CALM2: variants seen among roughly 807,000 people sequenced by gnomAD.
The protein encoded by CALM2 is calmodulin-2.
CALM2 carries 2 observed loss-of-function variants against 19.8 expected under a neutral mutation model. The observed-to-expected ratio is 0.10, with a 90% CI of 0.04 to 0.32. The LOEUF is 0.32. Ranked by LOEUF, CALM2 falls within the 10% of genes least tolerant of loss-of-function variation. The probability of loss-of-function intolerance (pLI) is 1.00; values close to 1 mark genes in which losing one functional copy is unlikely to be tolerated. For synonymous variants in CALM2, 51 were observed against 52.1 expected (o/e 0.98, Z 0.09); for missense variants, 38 against 178.7 (o/e 0.21, Z 4.49).
At chr2:47,176,186 C>A (rs1666861314) in intron 1 of CALM2, 1 of 522,910 alleles carries the variant, frequency 1.9e-6, no homozygotes, top group Admixed American at 3.4e-5. Flanking sequence ...CAGCCAAGCC[C>A]CCGAGGAGCT....
At chr2:47,164,286 AAC>A (rs202205834) in intron 2 of CALM2, among the ~76,000 whole-genome samples, 15 of 140,028 alleles carry the variant, frequency 1.1e-4, no homozygotes, top group African/African-American at 2.9e-4. Context: ...TCTCTACTAA[AAC>A]ACACACACAC....
Position 47,160,850 on chromosome 2 carries a change from CAAAAAAAAAAA to C in CALM2, c.422-57_422-47del, listed in dbSNP as rs55773607. 60 of 371,974 alleles carry C rather than the reference CAAAAAAAAAAA, an allele frequency of 1.6e-4. No individual in the cohort carries two copies. In the South Asian group the frequency reaches 3.1e-3, roughly 19 times the overall value. The allele number at this position is 371,974 out of a possible 1,614,324, so 23.0% of individuals were successfully genotyped here. ...AAAAAATGAGTCAATAGCAAAAGAC[CAAAAAAAAAAA>C]AAAAAAAAAAAAATCACATTTACTC... On this transcript the variant is annotated intron_variant, in intron 5 of 5. Transcript: ENST00000272298.
chr2:47,170,861 T>C, intron 1 of CALM2, 97 bp from the exon 2 acceptor site: 1 of 942,532 alleles, frequency 1.1e-6, no homozygotes, highest in East Asian at 2.4e-5. Context: ...TACCATGTAC[T>C]GTTTCATTTA....
At chr2:47,170,553 C>A (rs918872141) in intron 2 of CALM2, among the ~76,000 whole-genome samples, 181 bp downstream of exon 2, 1 of 152,222 alleles carries the variant, frequency 6.6e-6, no homozygotes, top group African/African-American at 2.4e-5. Flanking sequence ...CATCTTCCAT[C>A]GGCAAGTTTA....
intron 1 of CALM2, among the ~76,000 whole-genome samples, chr2:47,174,513 T>A (rs1416902339): frequency 6.6e-6 from 1 of 152,162 alleles, no homozygotes; most frequent in Non-Finnish European, 1.5e-5. Context: ...CTGTCACAAA[T>A]AATGATATCT....
intron 1 of CALM2, among the ~76,000 whole-genome samples, chr2:47,174,887 A>G (rs1666796076): frequency 6.6e-6 from 1 of 152,180 alleles, no homozygotes; most frequent in African/African-American, 2.4e-5. Flanking sequence ...CAAATCCATC[A>G]AACGTCAATG....
intron 1 of CALM2, among the ~76,000 whole-genome samples, chr2:47,174,414 G>A (rs1157754536): frequency 5.9e-5 from 9 of 151,878 alleles, no homozygotes; most frequent in Non-Finnish European, 1.2e-4. Flanking sequence ...CATTATGTCC[G>A]GCTAATTTTT....
intron 4 of CALM2, 48 bp downstream of exon 4, chr2:47,162,238 T>TA: frequency 1.0e-6 from 1 of 954,330 alleles, no homozygotes; most frequent in South Asian, 1.6e-5. Context: ...TGAGTCCTGG[T>TA]ATCTTCATTT....
At chr2:47,169,884 T>C (rs1666609477) in intron 2 of CALM2, among the ~76,000 whole-genome samples, 1 of 149,328 alleles carries the variant, frequency 6.7e-6, no homozygotes, top group Admixed American at 6.7e-5. Flanking sequence ...CTGTGGCAAA[T>C]AAACTGCTTG....
chr2:47,161,649 A>T lies in CALM2; in HGVS notation c.421+74T>A. 1.4e-6 allele frequency: 2 copies of T among 1,402,498 alleles called. 1 individual carries two copies. Among genetic ancestry groups the T allele is most frequent in the South Asian group, 2.7e-5 (2 of 72,824 alleles). 86.9% of individuals were successfully genotyped at this position (1,402,498 alleles called of 1,614,324 possible). On this transcript the variant is annotated intron_variant, in intron 5 of 5. Transcript: ENST00000272298. ...TTCAGGGGAAGGGTCACTAATTTCGATCAGTTCCCTAACAAAGAGCCTCTT... is the reference window on the plus strand; with the variant it reads ...TTCAGGGGAAGGGTCACTAATTTCGTTCAGTTCCCTAACAAAGAGCCTCTT...
upstream of CALM2, chr2:47,176,882 C>T (rs1488554736): frequency 5.1e-6 from 5 of 985,232 alleles, no homozygotes; most frequent in Non-Finnish European, 4.8e-6. Flanking sequence ...CAGCCGCCGC[C>T]GGGACGCGGT....
At chr2:47,175,542 A>G (rs1282740904) in intron 1 of CALM2, among the ~76,000 whole-genome samples, 1 of 152,170 alleles carries the variant, frequency 6.6e-6, no homozygotes, top group Non-Finnish European at 1.5e-5. Context: ...CAAGGGTAAG[A>G]CTAATTTCTT....
intron 1 of CALM2, chr2:47,172,663 C>A (rs531754966): frequency 1.2e-4 from 40 of 329,706 alleles, no homozygotes; most frequent in South Asian, 3.9e-4. Context: ...CAAGGTGCAA[C>A]CCAGCGACAG....
chr2:47,170,815 G>A (rs757988240), intron 1 of CALM2, 51 bp from the exon 2 acceptor site: 8 of 1,484,328 alleles, frequency 5.4e-6, no homozygotes. Flanking sequence ...ATGTAGATTA[G>A]CAGTTACAGA....
chr2:47,167,837 T>A (rs1400641390), intron 2 of CALM2: 1 of 108,982 alleles, frequency 9.2e-6, no homozygotes, highest in Non-Finnish European at 1.9e-5. Context: ...TCTTGCTGTG[T>A]TGCCCAGACT....
chr2:47,176,877 G>A, upstream of CALM2: 1 of 985,390 alleles, frequency 1.0e-6, no homozygotes, highest in African/African-American at 1.7e-5. Context: ...ACTCGCAGCC[G>A]CCGCCGGGAC....
In CALM2 at chr2:47,160,710, T is replaced by A. The variant is rs1296176317; in HGVS notation, c.*66A>T. On this transcript the variant is annotated 3_prime_UTR_variant, in exon 6 of 6. Coordinates refer to ENST00000272298, the MANE Select transcript of CALM2 (RefSeq NM_001743.6). ...AGGGAGAAACCTTTTACAGATAAGT[T>A]ACAAACAAAGAAAAGGCAAATAAAC... The A allele has an allele frequency of 7.6e-6, 7 of 915,170 alleles. No individual in the cohort carries two copies. The highest frequency in any genetic ancestry group is 9.8e-6 in the Non-Finnish European group (6 of 613,830). The allele number at this position is 915,170 out of a possible 1,614,324, so 56.7% of individuals were successfully genotyped here. A position where few individuals can be genotyped will look rare whatever the true frequency, so the allele number is the denominator to read the frequency against.
intron 2 of CALM2, among the ~76,000 whole-genome samples, chr2:47,164,155 G>A (rs897544989): frequency 6.0e-5 from 9 of 150,134 alleles, no homozygotes; most frequent in South Asian, 4.2e-4. Flanking sequence ...GGAGAATGGC[G>A]TGAACCTGGG....
chr2:47,175,815 GCCCGC>G (rs1666842747), intron 1 of CALM2, among the ~76,000 whole-genome samples: 1 of 147,706 alleles, frequency 6.8e-6, no homozygotes, highest in Admixed American at 6.7e-5. Flanking sequence ...CGAGGCGCTC[GCCCGC>G]CCCGCCCCCA....
Sources: allele counts gnomAD v4.1 joint callset (sites outside exome capture counted in the v4.1 genomes callset), GRCh38; gene constraint gnomAD v4.1.1; transcripts MANE v1.5; gene names NCBI Gene and HGNC (gene_info 2026-07-23, HGNC 2026-07-21).